The following SNTB1 variants were observed in gnomAD, a reference collection of about 807,000 sequenced individuals.
SNTB1 encodes beta-1-syntrophin.
A neutral mutation model predicts 48.9 loss-of-function variants in SNTB1; 36 were observed. The ratio of observed to expected loss-of-function variants is 0.74; its 90% CI spans 0.56 to 0.97. SNTB1 has a LOEUF of 0.97. Ranked by LOEUF, SNTB1 falls within the 50% of genes least tolerant of loss-of-function variation. SNTB1 has a pLI of 0.00. For missense variants in SNTB1, 786 were observed against 703.4 expected (o/e 1.12, Z -1.33); for synonymous variants, 299 against 294.6 (o/e 1.01, Z -0.15).
intron 3 of SNTB1, among the ~76,000 whole-genome samples, chr8:120,581,619 A>G (rs1423495161): frequency 1.3e-5 from 2 of 152,090 alleles, no homozygotes; most frequent in South Asian, 2.1e-4. Flanking sequence ...AAAGGAGAAG[A>G]GCAGAATGAG....
At chr8:120,794,796 G>A (rs1177993084) in intron 1 of SNTB1, among the ~76,000 whole-genome samples, 1 of 152,040 alleles carries the variant, frequency 6.6e-6, no homozygotes, top group Non-Finnish European at 1.5e-5. Flanking sequence ...GGGCTTTAGA[G>A]AAGGAACCAC....
chr8:120,774,176 G>A (rs1216878931), intron 1 of SNTB1, among the ~76,000 whole-genome samples: 1 of 152,252 alleles, frequency 6.6e-6, no homozygotes, highest in Non-Finnish European at 1.5e-5. Context: ...AATGTGGAGA[G>A]AGTGAGCTGA....
At chr8:120,731,064 T>C (rs1818841627) in intron 1 of SNTB1, among the ~76,000 whole-genome samples, 1 of 152,120 alleles carries the variant, frequency 6.6e-6, no homozygotes. Flanking sequence ...GAGGTTGCCA[T>C]GAGTCAAGAT....
intron 3 of SNTB1, among the ~76,000 whole-genome samples, chr8:120,609,387 C>T (rs1015035155): frequency 6.6e-6 from 1 of 152,148 alleles, no homozygotes; most frequent in Non-Finnish European, 1.5e-5. Flanking sequence ...TCATTGTCAA[C>T]ATATGCTGGG....
intron 4 of SNTB1, among the ~76,000 whole-genome samples, chr8:120,553,593 G>T (rs985574400): frequency 2.6e-5 from 4 of 152,168 alleles, no homozygotes; most frequent in Non-Finnish European, 4.4e-5. Flanking sequence ...TTCTGGAAAA[G>T]CTCTGTAAAT....
chr8:120,577,789 A>T (rs1350490371), intron 3 of SNTB1, among the ~76,000 whole-genome samples: 1 of 152,218 alleles, frequency 6.6e-6, no homozygotes, highest in Non-Finnish European at 1.5e-5. Context: ...AAACTCACCC[A>T]TGTGTCAAGT....
chr8:120,638,402 T>C (rs1817119178), intron 2 of SNTB1, among the ~76,000 whole-genome samples: 2 of 152,084 alleles, frequency 1.3e-5, no homozygotes, highest in South Asian at 2.1e-4. Flanking sequence ...ATTTTCTTTT[T>C]TTTTTCTTTT....
rs146024439 is a variant in SNTB1 at position 120,810,091 on chromosome 8, A to C, written c.571+1182T>G. ...CTCAGCTGAAACAGTCTATTTCAAT[A>C]GCTACGGGCTCATTTATTCATTTAC... On this transcript the variant is annotated intron_variant, in intron 1 of 6. Coordinates refer to ENST00000517992, the MANE Select transcript of SNTB1 (RefSeq NM_021021.4). 6.6e-3 allele frequency among the ~76,000 whole-genome samples: 1,003 copies of C among 152,334 alleles called. 15 individuals are homozygous for C. The highest frequency in any genetic ancestry group is 0.023 in the African/African-American group (965 of 41,566).
intron 1 of SNTB1, among the ~76,000 whole-genome samples, chr8:120,764,583 A>G (rs1412099286): frequency 6.6e-6 from 1 of 152,188 alleles, no homozygotes; most frequent in Non-Finnish European, 1.5e-5. Context: ...TACCAGTCAA[A>G]TAAATTAATA....
chr8:120,555,270 G>A (rs954710910), intron 4 of SNTB1, among the ~76,000 whole-genome samples: 12 of 152,216 alleles, frequency 7.9e-5, no homozygotes, highest in African/African-American at 2.2e-4. Flanking sequence ...CTTCTATAGA[G>A]ACAGGGGTCT....
chr8:120,612,393 C>G (rs2130732372), intron 3 of SNTB1, among the ~76,000 whole-genome samples: 1 of 152,268 alleles, frequency 6.6e-6, no homozygotes, highest in Admixed American at 6.5e-5. Flanking sequence ...GGGACTAACT[C>G]CATAGCATGT....
At chr8:120,581,405 A>G (rs953433994) in intron 3 of SNTB1, among the ~76,000 whole-genome samples, 3 of 152,014 alleles carry the variant, frequency 2.0e-5, no homozygotes, top group Admixed American at 2.0e-4. Context: ...GGAGTTTGAG[A>G]CCAGCCTGGC....
At chr8:120,696,997 G>A (rs760094395) in intron 1 of SNTB1, among the ~76,000 whole-genome samples, 37 of 152,192 alleles carry the variant, frequency 2.4e-4, no homozygotes, top group Non-Finnish European at 4.4e-4. Flanking sequence ...AGGTGAGACT[G>A]GGTGTACTTA....
At position 120,544,571 on chromosome 8, in the gene SNTB1, C is replaced by T. The variant is rs143164443; in HGVS notation, c.1334-2571G>A. Among the ~76,000 whole-genome samples the T allele has an allele frequency of 3.9e-5, 6 of 152,206 alleles. No homozygotes were observed. In the East Asian group the frequency reaches 9.6e-4, roughly 24 times the overall value. On this transcript the variant is annotated intron_variant, in intron 5 of 6. Transcript: ENST00000517992. Reference sequence around the variant, plus strand: ...TCCACTGATTAGTCTATCAATAGCTCGTGTTTTCTTGTCAAAGCAGAGTTC... The same window carrying T: ...TCCACTGATTAGTCTATCAATAGCTTGTGTTTTCTTGTCAAAGCAGAGTTC...
chr8:120,673,262 T>C (rs1364208632), intron 2 of SNTB1, among the ~76,000 whole-genome samples: 1 of 152,022 alleles, frequency 6.6e-6, no homozygotes, highest in Non-Finnish European at 1.5e-5. Flanking sequence ...GAAAGGCCTC[T>C]GCAGACTTTG....
chr8:120,604,326 T>C (rs1466090937), intron 3 of SNTB1, among the ~76,000 whole-genome samples: 1 of 152,182 alleles, frequency 6.6e-6, no homozygotes, highest in African/African-American at 2.4e-5. Context: ...TGAATCTCCA[T>C]CAAATGTCAT....
chr8:120,624,948 G>A (rs935212857), intron 3 of SNTB1, among the ~76,000 whole-genome samples: 2 of 152,184 alleles, frequency 1.3e-5, no homozygotes, highest in African/African-American at 4.8e-5. Context: ...ACTTAATGAC[G>A]GAGAATGATC....
In SNTB1 at chr8:120,811,137, C is replaced by A. The variant is rs577875465; in HGVS notation, c.571+136G>T. On this transcript the variant is annotated intron_variant, in intron 1 of 6. Transcript: ENST00000517992. ...CCACCCCCTGCGCCACCCTTCCCCC[C>A]CCCCCAACACACACACACCCGGCCC... The A allele has an allele frequency of 1.1e-5, 13 of 1,227,588 alleles. No individual in the cohort carries two copies. The East Asian group carries it at 1.7e-4, about 16-fold the overall frequency. The allele number at this position is 1,227,588 out of a possible 1,614,324, so 76.0% of individuals were successfully genotyped here. A position where few individuals can be genotyped will look rare whatever the true frequency, so the allele number is the denominator to read the frequency against.
chr8:120,542,449 T>C (rs1272006794), intron 5 of SNTB1, among the ~76,000 whole-genome samples: 1 of 151,990 alleles, frequency 6.6e-6, no homozygotes. Context: ...AGGTCAGGAG[T>C]TCGAGACCAG....
Sources: allele counts gnomAD v4.1 joint callset (sites outside exome capture counted in the v4.1 genomes callset), GRCh38; gene constraint gnomAD v4.1.1; transcripts MANE v1.5; gene names NCBI Gene and HGNC (gene_info 2026-07-23, HGNC 2026-07-21).